The following DNAH8 variants were observed in gnomAD, a reference collection of about 807,000 sequenced individuals.
DNAH8 encodes dynein axonemal heavy chain 8, also known as axonemal beta dynein heavy chain 8.
In DNAH8, 382 loss-of-function variants were observed where a neutral mutation model predicts 562.1. That is an observed-to-expected ratio of 0.68 (90% CI 0.63 to 0.74). DNAH8 has a LOEUF of 0.74. DNAH8 is among the 30% of genes least tolerant of loss of function. The pLI is 0.00. For synonymous variants in DNAH8, 1,881 were observed against 1,919.4 expected (o/e 0.98, Z 0.52); for missense variants, 5,203 against 5,620.4 (o/e 0.93, Z 2.37).
At chr6:38,826,516 GTC>G (rs1773336419) in intron 29 of DNAH8, 125 bp downstream of exon 29, 1 of 658,550 alleles carries the variant, frequency 1.5e-6, no homozygotes, top group South Asian at 2.1e-5. Context: ...CCTATTTCTC[GTC>G]TCTGATGTTG....
intron 82 of DNAH8, among the ~76,000 whole-genome samples, chr6:38,969,413 A>G (rs770414838): frequency 5.3e-5 from 8 of 152,336 alleles, no homozygotes; most frequent in South Asian, 2.1e-4. Context: ...GGGATAAAAC[A>G]GACAGTTATT....
At chr6:38,904,835 A>G (rs1468783513) in intron 62 of DNAH8, among the ~76,000 whole-genome samples, 1 of 151,744 alleles carries the variant, frequency 6.6e-6, no homozygotes, top group South Asian at 2.1e-4. Flanking sequence ...AAATGTTAAG[A>G]CATGAAAAGT....
intron 21 of DNAH8, among the ~76,000 whole-genome samples, chr6:38,802,319 C>T (rs191168180): frequency 6.6e-6 from 1 of 151,784 alleles, no homozygotes; most frequent in Non-Finnish European, 1.5e-5. Flanking sequence ...ATCATGGCTC[C>T]TGCAGCCTTG....
At chr6:38,755,781 T>A (rs1475390190) in intron 9 of DNAH8, among the ~76,000 whole-genome samples, 191 bp from the exon 10 acceptor site, 1 of 152,208 alleles carries the variant, frequency 6.6e-6, no homozygotes. Flanking sequence ...TTAGTTTGTT[T>A]GTCAAAACTA....
chr6:38,947,198 T>C (rs1048089438), intron 80 of DNAH8, among the ~76,000 whole-genome samples: 11 of 152,168 alleles, frequency 7.2e-5, no homozygotes, highest in Non-Finnish European at 1.3e-4. Flanking sequence ...CTCCCACTCC[T>C]CTTACACCAC....
intron 57 of DNAH8, among the ~76,000 whole-genome samples, chr6:38,888,146 G>T (rs1040566621): frequency 1.3e-5 from 2 of 152,108 alleles, no homozygotes; most frequent in African/African-American, 4.8e-5. Context: ...TCCGGGAAAG[G>T]GCAGACTTTT....
intron 91 of DNAH8, among the ~76,000 whole-genome samples, chr6:39,018,493 C>T (rs1462224975): frequency 2.6e-5 from 4 of 152,180 alleles, no homozygotes; most frequent in Non-Finnish European, 5.9e-5. Flanking sequence ...TCCTTGGCCT[C>T]GGCCCCCTCG....
Position 38,929,534 on chromosome 6 carries a change from T to C in DNAH8, c.11142T>C (p.Tyr3714=). 6.2e-7 allele frequency: 1 copy of C among 1,612,372 alleles called. No homozygotes were observed. Among genetic ancestry groups the C allele is most frequent in the Non-Finnish European group, 8.5e-7 (1 of 1,179,136 alleles). The change falls in exon 75 of 93, where the codon TAT becomes TAC. Residue 3714 remains tyrosine, a synonymous_variant. Transcript: ENST00000327475. ...AGGTGACATCTCTGAACCATAAATA[T>C]TTTCGCACACACTTGGAGGACAGCC... is the stretch of plus-strand genomic sequence containing the variant. ...DLQVTSLNHK[Y]FRTHLEDSLS...
intron 32 of DNAH8, among the ~76,000 whole-genome samples, chr6:38,836,280 A>G (rs1450283225): frequency 1.3e-5 from 2 of 151,994 alleles, no homozygotes; most frequent in Admixed American, 6.6e-5. Context: ...GATTTTACCC[A>G]GGGGTGTGGT....
intron 18 of DNAH8, among the ~76,000 whole-genome samples, chr6:38,788,389 A>T (rs974027274): frequency 6.6e-6 from 1 of 152,058 alleles, no homozygotes; most frequent in Non-Finnish European, 1.5e-5. Flanking sequence ...TGACCTTGTG[A>T]CCCACCCACC....
At chr6:38,889,263 A>C (rs1204335473) in intron 57 of DNAH8, among the ~76,000 whole-genome samples, 2 of 152,260 alleles carry the variant, frequency 1.3e-5, no homozygotes, top group Non-Finnish European at 2.9e-5. Flanking sequence ...CTGAATTGAA[A>C]GAAGCAAATC....
In DNAH8 at chr6:38,842,424, G is replaced by A; in HGVS notation, c.4523G>A (p.Ser1508Asn). Residue 1508 changes from serine (S) to asparagine (N), a missense_variant, in exon 34 of 93, where the codon AGT (serine) becomes AAT (asparagine). Physicochemically the swap from Ser to Asn is conservative, Grantham distance 46. Transcript: ENST00000327475. Reference sequence around the variant, plus strand: ...GGATTGTATGACACCGTAATGAGCAGTATTAGTGGTTATTATGAAATACTT... The same window carrying A: ...GGATTGTATGACACCGTAATGAGCAATATTAGTGGTTATTATGAAATACTT... Reference protein sequence around the residue: ...LYGLYDTVMSSISGYYEILWG... With the variant: ...LYGLYDTVMSNISGYYEILWG... 17 of 1,612,658 alleles carry A rather than the reference G, an allele frequency of 1.1e-5. No homozygotes were observed. Among genetic ancestry groups the A allele is most frequent in the Non-Finnish European group, 1.4e-5 (17 of 1,178,944 alleles).
chr6:38,882,038 A>G (rs1778536226), intron 53 of DNAH8, among the ~76,000 whole-genome samples: 1 of 152,174 alleles, frequency 6.6e-6, no homozygotes, highest in Non-Finnish European at 1.5e-5. Context: ...TAGCAATTTA[A>G]AAGCCAATTT....
chr6:38,823,111 G>T, intron 27 of DNAH8, 77 bp downstream of exon 27: 1 of 1,332,956 alleles, frequency 7.5e-7, no homozygotes, highest in South Asian at 1.6e-5. Flanking sequence ...GAAAATATCA[G>T]GGATAATGAC....
intron 21 of DNAH8, among the ~76,000 whole-genome samples, chr6:38,794,013 G>T (rs1447234537): frequency 3.3e-5 from 5 of 152,134 alleles, no homozygotes; most frequent in Non-Finnish European, 5.9e-5. Context: ...GTGATGCCTA[G>T]GAGTTTTACC....
chr6:38,951,696 G>T (rs1761918530), intron 82 of DNAH8, among the ~76,000 whole-genome samples, 176 bp downstream of exon 82: 2 of 151,732 alleles, frequency 1.3e-5, no homozygotes, highest in South Asian at 4.2e-4. Flanking sequence ...TATGATATAG[G>T]TATCTTTGTT....
chr6:38,898,218 A>G (rs930869387), intron 60 of DNAH8, 40 bp from the exon 61 acceptor site: 20 of 1,542,944 alleles, frequency 1.3e-5, no homozygotes, highest in East Asian at 4.8e-5. Flanking sequence ...ACATACTTGG[A>G]TCTTAAATAT....
chr6:38,810,131 A>G (rs1339721978), intron 24 of DNAH8, among the ~76,000 whole-genome samples: 2 of 152,086 alleles, frequency 1.3e-5, no homozygotes, highest in Non-Finnish European at 2.9e-5. Flanking sequence ...CACTTAATTT[A>G]TGACATTTTA....
chr6:38,940,764 T>C (rs1235793370), intron 79 of DNAH8, among the ~76,000 whole-genome samples: 1 of 152,142 alleles, frequency 6.6e-6, no homozygotes. Context: ...GGGGAAACAG[T>C]TTGTGACCAG....
Sources: gnomAD v4.1 joint callset for allele counts (sites outside exome capture counted in the v4.1 genomes callset) on GRCh38, gnomAD v4.1.1 for gene constraint, MANE v1.5 for transcripts, NCBI Gene and HGNC (gene_info 2026-07-23, HGNC 2026-07-21) for gene names.